The following ADAM17 variants were observed in gnomAD, a reference collection of about 807,000 sequenced individuals.
ADAM17 encodes disintegrin and metalloproteinase domain-containing protein 17.
Under a neutral mutation model 96.7 loss-of-function variants are expected in ADAM17, and 39 were observed. The ratio of observed to expected loss-of-function variants is 0.40; its 90% CI spans 0.31 to 0.53. ADAM17 has a LOEUF of 0.53. ADAM17 is among the 20% of genes least tolerant of loss of function. ADAM17 has a pLI of 0.44. For missense variants in ADAM17, 777 were observed against 1,013.2 expected (o/e 0.77, Z 3.17); for synonymous variants, 344 against 359.2 (o/e 0.96, Z 0.48).
chr2:9,547,398 C>T (rs1299647399), intron 1 of ADAM17, among the ~76,000 whole-genome samples: 1 of 152,118 alleles, frequency 6.6e-6, no homozygotes, highest in Admixed American at 6.6e-5. Context: ...CAGACCAAGA[C>T]AGAAGTAGCC....
In ADAM17 at chr2:9,535,930, G is replaced by GA. The variant is rs769247529; in HGVS notation, c.362-9dup. The GA allele has an allele frequency of 1.8e-3, 2,547 of 1,431,232 alleles. No individual in the cohort carries two copies. Among genetic ancestry groups the GA allele is most frequent in the South Asian group, 2.9e-3 (202 of 68,664 alleles). 88.7% of individuals were successfully genotyped at this position (1,431,232 alleles called of 1,614,324 possible). ...CCCTAGAGTCAGGCTCACCTTAAGA[G>GA]AAAAAAAAAATTATTATTTAAAAAT... On this transcript the variant is annotated splice_polypyrimidine_tract_variant and intron_variant, in intron 3 of 18. Coordinates refer to ENST00000310823, the MANE Select transcript of ADAM17 (RefSeq NM_003183.6).
chr2:9,524,039 CTTTT>C (rs879273840), intron 6 of ADAM17, among the ~76,000 whole-genome samples: 1 of 140,434 alleles, frequency 7.1e-6, no homozygotes, highest in Non-Finnish European at 1.6e-5. Context: ...CCATGCCGGG[CTTTT>C]TTTTTTTTTT....
intron 8 of ADAM17, among the ~76,000 whole-genome samples, chr2:9,520,784 A>T (rs201736306): frequency 6.6e-6 from 1 of 151,718 alleles, no homozygotes; most frequent in Admixed American, 6.6e-5. Flanking sequence ...ACCAACATGG[A>T]GAAACCCTGT....
At chr2:9,540,163 A>C (rs1665150617) in intron 2 of ADAM17, among the ~76,000 whole-genome samples, 1 of 152,190 alleles carries the variant, frequency 6.6e-6, no homozygotes. Context: ...TCAAATCCAA[A>C]GAAACCCAAA....
rs1227767552 is a variant in ADAM17 at position 9,536,734 on chromosome 2, C to T, written c.325G>A (p.Val109Ile). 7 of 1,614,074 alleles carry T rather than the reference C, an allele frequency of 4.3e-6. No individual in the cohort carries two copies. The highest frequency in any genetic ancestry group is 2.2e-5 in the South Asian group (2 of 91,080). ...CCAGTGAAGAAGTCCTGCCATTTTACAGTGTACTCGCTTTCGTTTTTACCA... is the reference window on the plus strand; with the variant it reads ...CCAGTGAAGAAGTCCTGCCATTTTATAGTGTACTCGCTTTCGTTTTTACCA... ...VDGKNESEYT[V>I]KWQDFFTGHV... The change falls in exon 3 of 19, where the codon GTA becomes ATA. Residue 109 changes from valine to isoleucine, a missense_variant. By Grantham distance (29) the Val-to-Ile change is conservative. Around this residue, in one of 3 missense-constraint regions of ADAM17, gnomAD observed 134 missense variants for 129.1 expected, o/e 1.04. Transcript: ENST00000310823.
chr2:9,543,385 T>C, intron 1 of ADAM17, 100 bp from the exon 2 acceptor site: 1 of 1,117,132 alleles, frequency 9.0e-7, no homozygotes, highest in Non-Finnish European at 1.2e-6. Flanking sequence ...CCTGATGTAA[T>C]CCATTAGGAA....
chr2:9,515,241 T>C (rs1229559882), intron 10 of ADAM17, among the ~76,000 whole-genome samples: 1 of 152,242 alleles, frequency 6.6e-6, no homozygotes, highest in Non-Finnish European at 1.5e-5. Context: ...GAATGTCATA[T>C]ATTTGGAATC....
At chr2:9,493,967 C>A in intron 15 of ADAM17, 142 bp from the exon 16 acceptor site, 1 of 627,522 alleles carries the variant, frequency 1.6e-6, no homozygotes, top group Non-Finnish European at 2.7e-6. Flanking sequence ...GCAATAACTT[C>A]CGCGTAATGA....
In ADAM17 at chr2:9,490,217, TGCA is replaced by T; in HGVS notation, c.2432_2434del (p.Leu811del). ...TTTGCTGTCAACACGATTCTGACGC[TGCA>T]GTTTAAAGGAGGCAGCCTTTTCACT... On this transcript the variant is annotated inframe_deletion, in exon 19 of 19. Transcript: ENST00000310823. The T allele has an allele frequency of 6.2e-7, 1 of 1,601,218 alleles. No homozygotes were observed. The highest frequency in any genetic ancestry group is 1.3e-5 in the African/African-American group (1 of 74,886).
intron 14 of ADAM17, among the ~76,000 whole-genome samples, chr2:9,496,822 C>G (rs1662642844): frequency 6.6e-6 from 1 of 152,176 alleles, no homozygotes; most frequent in Non-Finnish European, 1.5e-5. Flanking sequence ...ACACCTCTAC[C>G]TACCCACCCA....
chr2:9,501,433 C>G (rs1414865404), intron 13 of ADAM17, among the ~76,000 whole-genome samples: 1 of 152,106 alleles, frequency 6.6e-6, no homozygotes, highest in African/African-American at 2.4e-5. Context: ...CTCCTCAGTA[C>G]CCAGAGAAAC....
At chr2:9,554,060 C>G (rs1665667035) in intron 1 of ADAM17, among the ~76,000 whole-genome samples, 1 of 150,014 alleles carries the variant, frequency 6.7e-6, no homozygotes, top group Admixed American at 6.7e-5. Flanking sequence ...AAGACTCTGT[C>G]TTGGAAAAAA....
At chr2:9,518,462 G>A (rs1664166773) in intron 8 of ADAM17, among the ~76,000 whole-genome samples, 1 of 152,136 alleles carries the variant, frequency 6.6e-6, no homozygotes, top group Non-Finnish European at 1.5e-5. Context: ...ACTGTCATCT[G>A]ACAAGGGACA....
intron 12 of ADAM17, among the ~76,000 whole-genome samples, chr2:9,503,837 CAAA>C (rs34655910): frequency 4.8e-5 from 6 of 124,798 alleles, no homozygotes; most frequent in Non-Finnish European, 3.3e-5. Context: ...GACTCCGTCT[CAAA>C]AAAAAAAAAA....
intron 4 of ADAM17, among the ~76,000 whole-genome samples, chr2:9,530,177 C>T (rs777724741): frequency 7.9e-5 from 12 of 152,138 alleles, no homozygotes; most frequent in Admixed American, 5.2e-4. Context: ...ACCCAACTTC[C>T]GGGCTACAGG....
chr2:9,536,703 AC>A lies in ADAM17; in HGVS notation c.355del (p.Val119TrpfsTer10), dbSNP rs769696107. 6.2e-7 allele frequency: 1 copy of A among 1,613,886 alleles called. No homozygotes were observed. Among genetic ancestry groups the A allele is most frequent in the South Asian group, 1.1e-5 (1 of 91,072 alleles). On this transcript the variant is annotated frameshift_variant, in exon 3 of 19. Coordinates refer to ENST00000310823, the MANE Select transcript of ADAM17 (RefSeq NM_003183.6). LOFTEE classifies it high-confidence loss of function. ...CCAACAAGCTCCATACTAACCAACC[AC>A]GTGTCCAGTGAAGAAGTCCTGCCAT... Reference protein sequence around the residue: ...VKWQDFFTGHVVGEPDSRVLA... With the variant: ...VKWQDFFTGHXVGEPDSRVLA...
Position 9,517,922 on chromosome 2 carries a change from A to G in ADAM17, c.1170T>C (p.Tyr390=). 3.1e-6 allele frequency: 5 copies of G among 1,601,816 alleles called. No homozygotes were observed. Among genetic ancestry groups the G allele is most frequent in the Non-Finnish European group, 4.3e-6 (5 of 1,175,522 alleles). Residue 390 remains tyrosine, a synonymous_variant, in exon 10 of 19, where the codon TAT becomes TAC. Coordinates refer to ENST00000310823, the MANE Select transcript of ADAM17 (RefSeq NM_003183.6). ...LNSGLTSTKN[Y]GKTILTKEAD... ...ATACCTTTGTAAGGATGGTTTTACC[A>G]TAATTCTTTGTGCTCGTCAAACCAC...
Position 9,555,726 on chromosome 2 carries a change from C to A in ADAM17, c.-121G>T. 1.3e-6 allele frequency: 1 copy of A among 764,398 alleles called. No individual in the cohort carries two copies. Among genetic ancestry groups the A allele is most frequent in the Middle Eastern group, 4.1e-4 (1 of 2,426 alleles). The allele number at this position is 764,398 out of a possible 1,614,324, so 47.4% of individuals were successfully genotyped here. On this transcript the variant is annotated 5_prime_UTR_variant, in exon 1 of 19. Coordinates refer to ENST00000310823, the MANE Select transcript of ADAM17 (RefSeq NM_003183.6). ...CGGCCTAGCCCCTCAATCCTCTTTT[C>A]CCTCCCGCGCCGCCTACTGGGAAGA...
At chr2:9,529,913 G>A (rs1173417094) in intron 4 of ADAM17, among the ~76,000 whole-genome samples, 1 of 152,052 alleles carries the variant, frequency 6.6e-6, no homozygotes, top group Non-Finnish European at 1.5e-5. Context: ...AGAGGTTGCA[G>A]TGATCGTGCC....
Sources: gnomAD v4.1 joint callset for allele counts (sites outside exome capture counted in the v4.1 genomes callset) on GRCh38, gnomAD v4.1.1 for gene constraint, gnomAD v4.1.1 regional missense constraint, MANE v1.5 for transcripts, NCBI Gene and HGNC (gene_info 2026-07-23, HGNC 2026-07-21) for gene names.